TET2: variants seen among roughly 807,000 people sequenced by gnomAD.
TET2 encodes tet methylcytosine dioxygenase 2, also known as methylcytosine dioxygenase TET2.
In TET2, 299 loss-of-function variants were observed where a neutral mutation model predicts 142.9. The ratio of observed to expected loss-of-function variants is 2.09; its 90% CI spans 1.90 to 2.30. The LOEUF (loss-of-function observed/expected upper bound fraction) is 2.30. Ranked by LOEUF, TET2 falls within the 30% of genes most tolerant of loss-of-function variation. The pLI, the probability that TET2 is intolerant of heterozygous loss-of-function variation, is 0.00. For missense variants in TET2, 2,418 were observed against 2,378.0 expected, an observed-to-expected ratio of 1.02 and a Z score of -0.35; for synonymous variants, 819 against 849.0, an observed-to-expected ratio of 0.96 and a Z score of 0.61.
At chr4:105,241,500 C>T (rs1729296189) in intron 4 of TET2, 71 bp downstream of exon 4, 1 of 1,504,338 alleles carries the variant, frequency 6.6e-7, no homozygotes, top group African/African-American at 1.4e-5. Context: ...TTCCAGCCTT[C>T]ACACACAAAG....
intron 2 of TET2, among the ~76,000 whole-genome samples, chr4:105,217,670 A>C (rs780213329): frequency 6.6e-6 from 1 of 152,076 alleles, no homozygotes; most frequent in African/African-American, 2.4e-5. Context: ...AAAAAAAATA[A>C]GTTTTCTTGC....
At chr4:105,257,409 C>CATAG (rs555376048) in intron 6 of TET2, among the ~76,000 whole-genome samples, 4 of 152,126 alleles carry the variant, frequency 2.6e-5, no homozygotes, top group Non-Finnish European at 5.9e-5. Context: ...TATTGTTTCT[C>CATAG]ATAGATAGCC....
chr4:105,273,703 T>C (rs558738493), intron 10 of TET2, among the ~76,000 whole-genome samples: 34 of 152,226 alleles, frequency 2.2e-4, no homozygotes, highest in African/African-American at 7.9e-4. Flanking sequence ...TTTGAAAATA[T>C]GATTGAGAGA....
Position 105,275,933 on chromosome 4 carries a change from G to C in TET2, c.5423G>C (p.Arg1808Thr). The change falls in exon 11 of 11, where the codon AGA (arginine) becomes ACA (threonine). Residue 1808 changes from arginine (R) to threonine (T), a missense_variant. Physicochemically the swap from Arg to Thr is moderately conservative, Grantham distance 71. Coordinates refer to ENST00000380013, the MANE Select transcript of TET2 (RefSeq NM_001127208.3). ...SKMLPALNHD[R>T]TACVQGGLHK... ...ATGCTTCCAGCTCTTAACCATGATA[G>C]AACTGCTTGTGTCCAAGGAGGCTTA... 6.4e-7 allele frequency: 1 copy of C among 1,551,982 alleles called. No homozygotes were observed. Among genetic ancestry groups the C allele is most frequent in the Non-Finnish European group, 8.7e-7 (1 of 1,147,038 alleles).
rs1723044113 is a variant in TET2 at position 105,146,877 on chromosome 4, T to C, written c.-295T>C. 6.6e-6 allele frequency: 1 copy of C among 152,288 alleles called. No homozygotes were observed. The highest frequency in any genetic ancestry group is 2.1e-4 in the South Asian group (1 of 4,836). 9.4% of individuals were successfully genotyped at this position (152,288 alleles called of 1,614,324 possible). ...TGATGCGGAGGCTAGGCTGCTTTCG[T>C]AGAGAAGCAGAAGGAAGCAAGATGG... On this transcript the variant is annotated 5_prime_UTR_variant, in exon 1 of 11. Coordinates refer to ENST00000380013, the MANE Select transcript of TET2 (RefSeq NM_001127208.3).
At chr4:105,177,266 A>G (rs1724853731) in intron 1 of TET2, among the ~76,000 whole-genome samples, 1 of 152,220 alleles carries the variant, frequency 6.6e-6, no homozygotes, top group Non-Finnish European at 1.5e-5. Context: ...CATGAAGGAA[A>G]TGATTGACAA....
In TET2 at chr4:105,259,706, A is replaced by G; in HGVS notation, c.3891A>G (p.Gly1297=). Residue 1297 remains glycine, a synonymous_variant, in exon 7 of 11, where the codon GGA becomes GGG. Transcript: ENST00000380013. ...FGCSWSMYYN[G]CKFARSKIPR... Reference sequence around the variant, plus strand: ...GTTCATGGAGCATGTACTACAATGGATGTAAGTTTGCCAGAAGCAAGATCC... The same window carrying G: ...GTTCATGGAGCATGTACTACAATGGGTGTAAGTTTGCCAGAAGCAAGATCC... 1.3e-6 allele frequency: 2 copies of G among 1,551,150 alleles called. No individual in the cohort carries two copies. Among genetic ancestry groups the G allele is most frequent in the South Asian group, 1.2e-5 (1 of 84,022 alleles).
At position 105,159,472 on chromosome 4, in the gene TET2, GT is replaced by G. The variant is rs1723735289; in HGVS notation, c.-193+12495del. Reference sequence around the variant, plus strand: ...GTTTCTCCATGTTGGTCAGCCTGGTGTTGAACTCCCGACTTAAGGTGATCCG... The same window carrying G: ...GTTTCTCCATGTTGGTCAGCCTGGTGTGAACTCCCGACTTAAGGTGATCCG... On this transcript the variant is annotated intron_variant, in intron 1 of 10. Coordinates refer to ENST00000380013, the MANE Select transcript of TET2 (RefSeq NM_001127208.3). Among the ~76,000 whole-genome samples, 3 of 151,830 alleles carry G rather than the reference GT, an allele frequency of 2.0e-5. No homozygotes were observed. In the South Asian group the frequency reaches 6.2e-4, roughly 32 times the overall value.
intron 1 of TET2, among the ~76,000 whole-genome samples, chr4:105,159,415 C>T (rs1195984604): frequency 6.6e-6 from 1 of 151,964 alleles, no homozygotes; most frequent in Admixed American, 6.6e-5. Context: ...GCCACCACGC[C>T]CGGCTAATTT....
At chr4:105,267,481 G>T (rs1233559565) in intron 8 of TET2, among the ~76,000 whole-genome samples, 2 of 151,074 alleles carry the variant, frequency 1.3e-5, no homozygotes, top group Non-Finnish European at 3.0e-5. Context: ...TGTGGACTGG[G>T]TATATTACTT....
In TET2 at chr4:105,234,194, G is replaced by T; in HGVS notation, c.252G>T (p.Gly84=). 1 of 1,614,152 alleles carries T rather than the reference G, an allele frequency of 6.2e-7. No individual in the cohort carries two copies. Among genetic ancestry groups the T allele is most frequent in the Non-Finnish European group, 8.5e-7 (1 of 1,180,018 alleles). The change falls in exon 3 of 11, where the codon GGG becomes GGT. Residue 84 remains glycine (G), a synonymous_variant. Transcript: ENST00000380013. ...VSPDFTQESR[G]YSKCLQNGGI... is the part of the protein sequence containing the mutation. ...CTGACTTTACACAAGAAAGTAGAGG[G>T]TATTCCAAGTGTTTGCAAAATGGAG...
intron 2 of TET2, among the ~76,000 whole-genome samples, chr4:105,213,291 A>C (rs1727284026): frequency 1.3e-5 from 2 of 152,214 alleles, no homozygotes; most frequent in Admixed American, 6.5e-5. Flanking sequence ...ATTCTAAGTC[A>C]TAAAGGCAGA....
At chr4:105,184,047 T>G (rs1462445883) in intron 1 of TET2, among the ~76,000 whole-genome samples, 1 of 152,178 alleles carries the variant, frequency 6.6e-6, no homozygotes, top group Non-Finnish European at 1.5e-5. Context: ...GAGCACATCC[T>G]TCATTGGCCC....
At chr4:105,162,494 G>A (rs1723905292) in intron 1 of TET2, among the ~76,000 whole-genome samples, 1 of 152,168 alleles carries the variant, frequency 6.6e-6, no homozygotes. Flanking sequence ...ATTATCACCT[G>A]AAAGGAGCTT....
Position 105,234,760 on chromosome 4 carries a change from A to C in TET2, c.818A>C (p.Gln273Pro). The change falls in exon 3 of 11, where the codon CAG becomes CCG. Residue 273 changes from glutamine to proline, a missense_variant. Transcript: ENST00000380013. ...EITHPSHTSG[Q>P]INSAQTSNSE... ...ACTCACCCATCGCATACCTCAGGGC[A>C]GATCAATTCCGCACAGACCTCTAAC... The C allele has an allele frequency of 6.2e-7, 1 of 1,613,974 alleles. No individual in the cohort carries two copies. Among genetic ancestry groups the C allele is most frequent in the South Asian group, 1.1e-5 (1 of 91,060 alleles).
chr4:105,187,888 C>A (rs1725549252), intron 1 of TET2, among the ~76,000 whole-genome samples: 1 of 152,140 alleles, frequency 6.6e-6, no homozygotes, highest in Non-Finnish European at 1.5e-5. Context: ...AAAATTGGAA[C>A]CCTGACACAT....
chr4:105,235,983 T>G lies in TET2; in HGVS notation c.2041T>G (p.Phe681Val), dbSNP rs111584768. ...TGTGCAGTCACTGTGTGGCACTAGATTTCATTTTCAACAAAGAGCAGATTC... is the reference window on the plus strand; with the variant it reads ...TGTGCAGTCACTGTGTGGCACTAGAGTTCATTTTCAACAAAGAGCAGATTC... ...AHVQSLCGTR[F>V]HFQQRADSQT... The change falls in exon 3 of 11, where the codon TTT becomes GTT. Residue 681 changes from phenylalanine (F) to valine (V), a missense_variant. Phe to Val is a conservative substitution (Grantham distance 50). Transcript: ENST00000380013. 1 of 1,614,146 alleles carries G rather than the reference T, an allele frequency of 6.2e-7. No homozygotes were observed. Among genetic ancestry groups the G allele is most frequent in the Non-Finnish European group, 8.5e-7 (1 of 1,180,008 alleles).
chr4:105,250,380 A>ATTTTTTTTTTTTTTTTT (rs59695275), intron 6 of TET2, among the ~76,000 whole-genome samples: 2 of 60,276 alleles, frequency 3.3e-5, no homozygotes, highest in Non-Finnish European at 5.6e-5. Flanking sequence ...TCCTTTCTGG[A>ATTTTTTTTTTTTTTTTT]TTTTTTTTTT....
intron 1 of TET2, chr4:105,177,611 C>G (rs1724877171): frequency 1.3e-5 from 2 of 152,192 alleles, no homozygotes; most frequent in African/African-American, 4.8e-5. Flanking sequence ...TGGCTGAAGT[C>G]AGAACACTGA....
Sources: gnomAD v4.1 joint callset for allele counts (sites outside exome capture counted in the v4.1 genomes callset) on GRCh38, gnomAD v4.1.1 for gene constraint, MANE v1.5 for transcripts, NCBI Gene and HGNC (gene_info 2026-07-23, HGNC 2026-07-21) for gene names.